Variants in ADGRL3 observed in about 807,000 individuals in gnomAD.
The protein encoded by ADGRL3 is calcium-independent alpha-latrotoxin receptor 3.
In ADGRL3, 62 loss-of-function variants were observed where a neutral mutation model predicts 153.5. The observed-to-expected ratio is 0.40, with a 90% CI of 0.33 to 0.50. The LOEUF is 0.50. Ranked by LOEUF, ADGRL3 falls within the 20% of genes least tolerant of loss-of-function variation. ADGRL3 has a pLI of 0.47. For synonymous variants in ADGRL3, 710 were observed against 672.5 expected, an observed-to-expected ratio of 1.06 and a Z score of -0.86; for missense variants, 1,641 against 1,859.4, an observed-to-expected ratio of 0.88 and a Z score of 2.16.
At chr4:61,450,563 T>C (rs1273962951) in intron 2 of ADGRL3, among the ~76,000 whole-genome samples, 1 of 152,178 alleles carries the variant, frequency 6.6e-6, no homozygotes, top group Non-Finnish European at 1.5e-5. Context: ...TTTAAGACTA[T>C]CAGGTTAGTA....
chr4:61,762,919 T>C (rs778416283), intron 8 of ADGRL3, among the ~76,000 whole-genome samples: 3 of 152,168 alleles, frequency 2.0e-5, no homozygotes, highest in Non-Finnish European at 2.9e-5. Context: ...AAAATTCTTT[T>C]CCTACAAACC....
chr4:61,424,569 C>T (rs1305143215), intron 2 of ADGRL3, among the ~76,000 whole-genome samples: 1 of 152,164 alleles, frequency 6.6e-6, no homozygotes, highest in Non-Finnish European at 1.5e-5. Flanking sequence ...ACCTCCTGTG[C>T]CATCTCTTGC....
chr4:61,329,279 G>A (rs769115395), intron 1 of ADGRL3, among the ~76,000 whole-genome samples: 6 of 152,058 alleles, frequency 3.9e-5, no homozygotes, highest in Admixed American at 1.3e-4. Context: ...TATTTAGATG[G>A]TTAATAAAAG....
intron 5 of ADGRL3, among the ~76,000 whole-genome samples, chr4:61,652,886 C>T (rs2094310635): frequency 6.6e-6 from 1 of 152,078 alleles, no homozygotes; most frequent in Non-Finnish European, 1.5e-5. Context: ...GAATAATGTT[C>T]ACAATCCAGT....
At chr4:61,905,109 A>T (rs1408845556) in intron 11 of ADGRL3, among the ~76,000 whole-genome samples, 3 of 152,202 alleles carry the variant, frequency 2.0e-5, no homozygotes, top group African/African-American at 7.2e-5. Flanking sequence ...GAATACTATG[A>T]ATGGCACATT....
chr4:61,373,053 TC>T (rs1419173802), intron 1 of ADGRL3, among the ~76,000 whole-genome samples: 1 of 152,138 alleles, frequency 6.6e-6, no homozygotes, highest in Non-Finnish European at 1.5e-5. Flanking sequence ...CCCTTGTGCT[TC>T]CCGAGTGAGG....
intron 11 of ADGRL3, among the ~76,000 whole-genome samples, chr4:61,900,699 G>GTGGA (rs1005333350): frequency 6.6e-6 from 1 of 152,078 alleles, no homozygotes; most frequent in Admixed American, 6.6e-5. Context: ...ATGGATGTAG[G>GTGGA]TGGATGGATG....
chr4:61,325,829 A>G (rs979359604), intron 1 of ADGRL3, among the ~76,000 whole-genome samples: 3 of 152,236 alleles, frequency 2.0e-5, no homozygotes, highest in Non-Finnish European at 4.4e-5. Context: ...TACTGTGGAA[A>G]TAGAGAAGAG....
chr4:61,603,649 CA>C (rs1225332979), intron 5 of ADGRL3, among the ~76,000 whole-genome samples: 1 of 152,046 alleles, frequency 6.6e-6, no homozygotes, highest in African/African-American at 2.4e-5. Context: ...AGAATATTTT[CA>C]GTAAGAAAAA....
chr4:61,790,363 T>C lies in ADGRL3; in HGVS notation c.1400-23446T>C, dbSNP rs374227512. On this transcript the variant is annotated intron_variant, in intron 8 of 26. Coordinates refer to ENST00000683033, the MANE Select transcript of ADGRL3 (RefSeq NM_001387552.1). Reference sequence around the variant, plus strand: ...TTTATGTATAGTAGGCCTGCCCTTATTGTGGGAGATACATCCCAAGACCCC... The same window carrying C: ...TTTATGTATAGTAGGCCTGCCCTTACTGTGGGAGATACATCCCAAGACCCC... 1.9e-4 allele frequency among the ~76,000 whole-genome samples: 29 copies of C among 152,292 alleles called. 2 individuals carry two copies. In the South Asian group the frequency reaches 5.8e-3, roughly 30 times the overall value.
rs1161784410 is a variant in ADGRL3, at chr4:62,070,213, A to G, written c.3937A>G (p.Asn1313Asp). The G allele has an allele frequency of 1.4e-5, 22 of 1,613,870 alleles. No individual in the cohort carries two copies. Among genetic ancestry groups the G allele is most frequent in the Non-Finnish European group, 1.8e-5 (21 of 1,179,994 alleles). ...YSIASGEYLS[N>D]CVQIIDRGYN... ...CATTGCCAGCGGCGAATACCTGAGCAACTGTGTGCAAATCATAGACCGTGG... is the reference window on the plus strand; with the variant it reads ...CATTGCCAGCGGCGAATACCTGAGCGACTGTGTGCAAATCATAGACCGTGG... The change falls in exon 27 of 27, where the codon AAC becomes GAC. Residue 1313 changes from asparagine (N) to aspartate (D), a missense_variant. Asn to Asp is a conservative substitution (Grantham distance 23). This residue lies in a region of ADGRL3 where 517 missense variants were observed against 555.0 expected (regional missense o/e 0.93). Coordinates refer to ENST00000683033, the MANE Select transcript of ADGRL3 (RefSeq NM_001387552.1).
chr4:61,969,898 G>T (rs146404893), intron 17 of ADGRL3, among the ~76,000 whole-genome samples: 119 of 152,226 alleles, frequency 7.8e-4, no homozygotes, highest in African/African-American at 2.8e-3. Context: ...ACGTGGTCCT[G>T]TGGATTTTGT....
At chr4:61,856,333 C>G (rs187203585) in intron 9 of ADGRL3, among the ~76,000 whole-genome samples, 9 of 150,406 alleles carry the variant, frequency 6.0e-5, no homozygotes, top group African/African-American at 2.0e-4. Flanking sequence ...CTTTCTCCCT[C>G]TCTCCCTCCC....
chr4:61,948,301 A>G, intron 17 of ADGRL3, 25 bp downstream of exon 17: 1 of 1,582,090 alleles, frequency 6.3e-7, no homozygotes, highest in Non-Finnish European at 8.7e-7. Flanking sequence ...ATACAATGAA[A>G]ATGTTTTAGT....
chr4:61,836,234 T>C (rs1445289437), intron 9 of ADGRL3, among the ~76,000 whole-genome samples: 1 of 152,178 alleles, frequency 6.6e-6, no homozygotes, highest in Non-Finnish European at 1.5e-5. Flanking sequence ...AGAAAAACTA[T>C]TATATTAAAG....
At chr4:62,044,404 A>G (rs780614589) in intron 24 of ADGRL3, 49 bp from the exon 25 acceptor site, 1 of 1,186,372 alleles carries the variant, frequency 8.4e-7, no homozygotes, top group Non-Finnish European at 1.2e-6. Flanking sequence ...TTGTGTGAAA[A>G]TTCACTGCAT....
chr4:61,236,274 T>G (rs1353264698), intron 1 of ADGRL3, among the ~76,000 whole-genome samples: 1 of 152,148 alleles, frequency 6.6e-6, no homozygotes, highest in Non-Finnish European at 1.5e-5. Flanking sequence ...CCTCCCAAAG[T>G]GCTGGGATTA....
At chr4:61,589,510 A>C (rs955692561) in intron 5 of ADGRL3, among the ~76,000 whole-genome samples, 11 of 152,132 alleles carry the variant, frequency 7.2e-5, no homozygotes, top group Non-Finnish European at 1.6e-4. Flanking sequence ...GTTTAAATAG[A>C]TTAAAGCATT....
chr4:61,855,881 T>C (rs1474689812), intron 9 of ADGRL3, among the ~76,000 whole-genome samples: 1 of 152,052 alleles, frequency 6.6e-6, no homozygotes, highest in East Asian at 1.9e-4. Flanking sequence ...GGGTATATAA[T>C]TAAAAGAGCA....
Sources: allele counts gnomAD v4.1 joint callset (sites outside exome capture counted in the v4.1 genomes callset), GRCh38; gene constraint gnomAD v4.1.1; regional missense constraint gnomAD v4.1.1; transcripts MANE v1.5; gene names NCBI Gene and HGNC (gene_info 2026-07-23, HGNC 2026-07-21).